The following PRTFDC1 variants were observed in gnomAD, a reference collection of about 807,000 sequenced individuals.
The protein encoded by PRTFDC1 is phosphoribosyl transferase domain containing 1.
Under a neutral mutation model 34.6 loss-of-function variants are expected in PRTFDC1, and 38 were observed. The ratio of observed to expected loss-of-function variants is 1.10; its 90% confidence interval spans 0.85 to 1.44. The LOEUF is 1.44. Among genes scored for constraint, PRTFDC1 ranks in the 40% most tolerant of loss-of-function variants. The pLI, the probability that PRTFDC1 is intolerant of heterozygous loss-of-function variation, is 0.00. For synonymous variants in PRTFDC1, 93 were observed against 98.1 expected (o/e 0.95, Z 0.31); for missense variants, 270 against 283.0 (o/e 0.95, Z 0.33).
chr10:24,949,704 T>C (rs933609816), intron 1 of PRTFDC1, among the ~76,000 whole-genome samples: 1 of 149,114 alleles, frequency 6.7e-6, no homozygotes, highest in Admixed American at 6.8e-5. Flanking sequence ...CAGTTTATAC[T>C]CATTTTTTTT....
At chr10:24,947,978 A>G (rs944581690) in intron 1 of PRTFDC1, among the ~76,000 whole-genome samples, 2 of 152,178 alleles carry the variant, frequency 1.3e-5, no homozygotes, top group Admixed American at 1.3e-4. Flanking sequence ...AGAGGAATGA[A>G]GGAAGCTCGA....
At chr10:24,855,905 T>C (rs1300377287) in intron 6 of PRTFDC1, among the ~76,000 whole-genome samples, 1 of 151,984 alleles carries the variant, frequency 6.6e-6, no homozygotes, top group African/African-American at 2.4e-5. Context: ...CTTGAGCTCA[T>C]AAGTTTGAGA....
At chr10:24,905,129 A>T (rs1588605340) in intron 3 of PRTFDC1, among the ~76,000 whole-genome samples, 1 of 148,744 alleles carries the variant, frequency 6.7e-6, no homozygotes, top group African/African-American at 2.5e-5. Context: ...CAACATGAAG[A>T]CCCTTTGTGT....
intron 3 of PRTFDC1, among the ~76,000 whole-genome samples, chr10:24,933,856 G>C (rs1350173110): frequency 1.2e-4 from 18 of 151,982 alleles, no homozygotes; most frequent in Admixed American, 1.2e-3. Context: ...ACCATGCCTG[G>C]CTAATTTTTG....
At chr10:24,866,327 C>T (rs1264415772) in intron 4 of PRTFDC1, among the ~76,000 whole-genome samples, 4 of 146,786 alleles carry the variant, frequency 2.7e-5, no homozygotes, top group Non-Finnish European at 3.0e-5. Context: ...TACCACTGCA[C>T]TCCAGCCTGG....
intron 3 of PRTFDC1, among the ~76,000 whole-genome samples, chr10:24,918,124 A>G (rs921260354): frequency 1.3e-5 from 2 of 152,158 alleles, no homozygotes; most frequent in Non-Finnish European, 2.9e-5. Flanking sequence ...AATGATCTTC[A>G]CAATGACATC....
intron 3 of PRTFDC1, among the ~76,000 whole-genome samples, chr10:24,876,585 T>G (rs1204822660): frequency 2.0e-5 from 3 of 151,902 alleles, no homozygotes; most frequent in African/African-American, 7.3e-5. Context: ...TCCCAGCTAC[T>G]CGGGAGGCTG....
intron 4 of PRTFDC1, among the ~76,000 whole-genome samples, chr10:24,859,236 T>C (rs1847634883): frequency 2.0e-5 from 3 of 152,146 alleles, no homozygotes; most frequent in Admixed American, 1.3e-4. Context: ...TCCAGACATC[T>C]GAAGTGCTGC....
At chr10:24,943,928 A>G (rs1849211620) in intron 1 of PRTFDC1, among the ~76,000 whole-genome samples, 1 of 151,878 alleles carries the variant, frequency 6.6e-6, no homozygotes, top group African/African-American at 2.4e-5. Flanking sequence ...GCCTTTCACA[A>G]TGCAGACCCA....
At chr10:24,916,837 G>A (rs558112623) in intron 3 of PRTFDC1, among the ~76,000 whole-genome samples, 8 of 152,206 alleles carry the variant, frequency 5.3e-5, no homozygotes, top group Admixed American at 2.0e-4. Context: ...ACTATTTGGC[G>A]AGTGAATGGG....
At chr10:24,917,543 C>T (rs565392432) in intron 3 of PRTFDC1, among the ~76,000 whole-genome samples, 1 of 152,142 alleles carries the variant, frequency 6.6e-6, no homozygotes, top group Admixed American at 6.5e-5. Context: ...TGTTCTCGCT[C>T]TATTTTCTTG....
At chr10:24,866,575 G>A (rs1182986866) in intron 4 of PRTFDC1, among the ~76,000 whole-genome samples, 1 of 152,004 alleles carries the variant, frequency 6.6e-6, no homozygotes, top group Non-Finnish European at 1.5e-5. Flanking sequence ...TTTATGAAGT[G>A]CCAATATTAA....
chr10:24,945,042 A>G (rs1206126706), intron 1 of PRTFDC1, among the ~76,000 whole-genome samples: 2 of 151,752 alleles, frequency 1.3e-5, no homozygotes, highest in Non-Finnish European at 1.5e-5. Context: ...TGCCTGCAAC[A>G]CTCTTCCTCC....
chr10:24,857,416 C>T (rs1035455402), intron 5 of PRTFDC1, among the ~76,000 whole-genome samples: 1 of 152,176 alleles, frequency 6.6e-6, no homozygotes, highest in African/African-American at 2.4e-5. Context: ...CCCTTGTCCT[C>T]CCCCACTCAA....
chr10:24,946,807 AAACCT>A (rs1849257039), intron 1 of PRTFDC1, among the ~76,000 whole-genome samples: 1 of 152,248 alleles, frequency 6.6e-6, no homozygotes, highest in Admixed American at 6.5e-5. Context: ...GAAGTGCCTC[AAACCT>A]ATATGCCAGT....
intron 1 of PRTFDC1, among the ~76,000 whole-genome samples, chr10:24,950,018 G>A (rs1849315465): frequency 6.6e-6 from 1 of 152,066 alleles, no homozygotes; most frequent in South Asian, 2.1e-4. Flanking sequence ...ACAGGTATGA[G>A]CCACCTCACC....
At chr10:24,861,932 C>T (rs1165001922) in intron 4 of PRTFDC1, among the ~76,000 whole-genome samples, 10 of 151,970 alleles carry the variant, frequency 6.6e-5, no homozygotes, top group Admixed American at 2.6e-4. Flanking sequence ...AGCCACTGCG[C>T]CCAGCCGTGT....
At chr10:24,928,980 C>A (rs1426697881) in intron 3 of PRTFDC1, among the ~76,000 whole-genome samples, 1 of 146,166 alleles carries the variant, frequency 6.8e-6, no homozygotes, top group Non-Finnish European at 1.5e-5. Flanking sequence ...GCGGAGCTTG[C>A]AGTGAGTCGA....
At chr10:24,926,401 G>A (rs1053430850) in intron 3 of PRTFDC1, among the ~76,000 whole-genome samples, 2 of 152,046 alleles carry the variant, frequency 1.3e-5, no homozygotes, top group Admixed American at 6.6e-5. Flanking sequence ...TTTTTGAGAC[G>A]GAGTCTCATT....
Sources: allele counts gnomAD v4.1 joint callset (sites outside exome capture counted in the v4.1 genomes callset), GRCh38; gene constraint gnomAD v4.1.1; transcripts MANE v1.5; gene names NCBI Gene and HGNC (gene_info 2026-07-23, HGNC 2026-07-21).